The following PCDHA10 variants were observed in gnomAD, a reference collection of about 807,000 sequenced individuals.
PCDHA10 encodes the protein protocadherin alpha-10.
Under a neutral mutation model 61.2 loss-of-function variants are expected in PCDHA10, and 45 were observed. That is an observed-to-expected ratio of 0.74 (90% CI 0.58 to 0.94). PCDHA10 has a LOEUF of 0.94. PCDHA10 is among the 40% of genes least tolerant of loss of function. The pLI is 0.00. For missense variants in PCDHA10, 1,278 were observed against 1,236.2 expected (o/e 1.03, Z -0.51); for synonymous variants, 602 against 548.8 (o/e 1.10, Z -1.35).
In PCDHA10 at chr5:140,858,149, G is replaced by A. The variant is rs782725386; in HGVS notation, c.2101G>A (p.Ala701Thr). The A allele has an allele frequency of 1.5e-5, 24 of 1,597,456 alleles. 4 individuals carry two copies. The highest frequency in any genetic ancestry group is 1.3e-4 in the African/African-American group (10 of 74,378). ...GGATGTCAACGTGTACCTGATCATC[G>A]CCATCTGCGCGGTGTCCAGCTTGCT... ...LVDVNVYLII[A>T]ICAVSSLLVL... The change falls in exon 1 of 4, where the codon GCC becomes ACC. Residue 701 changes from alanine (A) to threonine (T), a missense_variant. Transcript: ENST00000307360.
intron 1 of PCDHA10, among the ~76,000 whole-genome samples, chr5:140,939,296 C>T (rs2153640792): frequency 6.6e-6 from 1 of 152,210 alleles, no homozygotes; most frequent in South Asian, 2.1e-4. Flanking sequence ...CTAATCATCT[C>T]TACAAAAGCC....
chr5:140,876,536 TG>T (rs781943442), intron 1 of PCDHA10: 1 of 1,614,238 alleles, frequency 6.2e-7, no homozygotes, highest in South Asian at 1.1e-5. Flanking sequence ...GTTACTTCAC[TG>T]TCGCTCCCTG....
intron 1 of PCDHA10, among the ~76,000 whole-genome samples, chr5:140,971,500 T>C (rs2096483313): frequency 1.3e-5 from 2 of 152,136 alleles, no homozygotes; most frequent in Admixed American, 1.3e-4. Context: ...TGTGGCAAGA[T>C]AGGAGCAAAA....
chr5:140,964,968 G>A lies in PCDHA10; in HGVS notation c.2389-13981G>A, dbSNP rs566051914. On this transcript the variant is annotated intron_variant, in intron 1 of 3. Coordinates refer to ENST00000307360, the MANE Select transcript of PCDHA10 (RefSeq NM_018901.4). ...GAGTGTGCTTGGTTGGTGGAACGAA[G>A]GGATGTGCTAGTTCAGGCCTTTGAA... 3.9e-5 allele frequency among the ~76,000 whole-genome samples: 6 copies of A among 152,326 alleles called. No individual in the cohort carries two copies. In the South Asian group the frequency reaches 1.0e-3, roughly 26 times the overall value.
At position 140,927,034 on chromosome 5, in the gene PCDHA10, G is replaced by A. The variant is rs782732545; in HGVS notation, c.2389-51915G>A. ...CTCCGCGGACTTGAGGCTGCCAGCG[G>A]CCGCTATGTCCTCGCGGAACTTTCG... On this transcript the variant is annotated intron_variant, in intron 1 of 3. Coordinates refer to ENST00000307360, the MANE Select transcript of PCDHA10 (RefSeq NM_018901.4). 6 of 1,612,400 alleles carry A rather than the reference G, an allele frequency of 3.7e-6. No individual in the cohort carries two copies. The East Asian group carries it at 8.9e-5, about 24-fold the overall frequency.
chr5:140,876,827 C>G, intron 1 of PCDHA10: 1 of 1,614,182 alleles, frequency 6.2e-7, no homozygotes, highest in Non-Finnish European at 8.5e-7. Flanking sequence ...AACGACAATG[C>G]GCCTGCGTTC....
At chr5:140,973,586 C>T (rs1207651483) in intron 1 of PCDHA10, among the ~76,000 whole-genome samples, 2 of 152,176 alleles carry the variant, frequency 1.3e-5, no homozygotes, top group African/African-American at 4.8e-5. Context: ...GACTGCTGAG[C>T]CAGATGGAAT....
chr5:140,947,778 G>A (rs2094175732), intron 1 of PCDHA10, among the ~76,000 whole-genome samples: 2 of 151,456 alleles, frequency 1.3e-5, no homozygotes, highest in South Asian at 4.1e-4. Context: ...TATTGTAAAT[G>A]GATTTTAAAC....
chr5:140,917,067 C>T (rs375970452), intron 1 of PCDHA10, among the ~76,000 whole-genome samples: 3 of 152,178 alleles, frequency 2.0e-5, no homozygotes, highest in African/African-American at 4.8e-5. Context: ...ACGACAGCAC[C>T]GAGTTTAATG....
rs911070094 is a variant in PCDHA10, at chr5:141,009,570, G to A, written c.2537-57G>A. On this transcript the variant is annotated intron_variant, in intron 3 of 3. Coordinates refer to ENST00000307360, the MANE Select transcript of PCDHA10 (RefSeq NM_018901.4). ...AGTACTCCTGTACTCTACCAGCAGT[G>A]TGGCATCAAGAGCATGTGTTGACCC... The A allele has an allele frequency of 1.9e-6, 3 of 1,577,968 alleles. No homozygotes were observed. In the Admixed American group the frequency reaches 5.2e-5, roughly 28 times the overall value.
Position 140,869,207 on chromosome 5 carries a change from T to C in PCDHA10, c.2388+10771T>C, listed in dbSNP as rs781925229. ...GGGAGCGGCCAGCTCCACTACTCCG[T>C]CTCGGAGGAGGCCAAACACGGCACC... On this transcript the variant is annotated intron_variant, in intron 1 of 3. Transcript: ENST00000307360. 3.7e-6 allele frequency: 6 copies of C among 1,613,842 alleles called. No homozygotes were observed. The African/African-American group carries it at 5.3e-5, about 14-fold the overall frequency.
At chr5:140,946,032 A>C (rs1440402875) in intron 1 of PCDHA10, among the ~76,000 whole-genome samples, 2 of 152,102 alleles carry the variant, frequency 1.3e-5, no homozygotes, top group Admixed American at 1.3e-4. Flanking sequence ...AGAAAACAAG[A>C]GTGAAGGGAC....
chr5:140,955,585 T>G (rs1438222402), intron 1 of PCDHA10, among the ~76,000 whole-genome samples: 1 of 152,198 alleles, frequency 6.6e-6, no homozygotes, highest in African/African-American at 2.4e-5. Context: ...CAATTAAACC[T>G]CTTTCTTTTA....
intron 1 of PCDHA10, chr5:140,870,108 CTG>C (rs1455437240): frequency 6.2e-7 from 1 of 1,613,906 alleles, no homozygotes; most frequent in African/African-American, 1.3e-5. Flanking sequence ...ACTGTACAGT[CTG>C]GGTGGAAATC....
At chr5:141,007,379 C>T (rs1178671835) in intron 3 of PCDHA10, among the ~76,000 whole-genome samples, 1 of 139,926 alleles carries the variant, frequency 7.1e-6, no homozygotes, top group Non-Finnish European at 1.5e-5. Context: ...GATGGAACAC[C>T]ATCTCTACTA....
At chr5:140,939,521 T>C (rs540311861) in intron 1 of PCDHA10, among the ~76,000 whole-genome samples, 3 of 152,326 alleles carry the variant, frequency 2.0e-5, no homozygotes, top group Non-Finnish European at 2.9e-5. Flanking sequence ...TTAATAGTTA[T>C]AGAATTATAC....
chr5:140,927,011 C>T, intron 1 of PCDHA10: 1 of 1,612,606 alleles, frequency 6.2e-7, no homozygotes, highest in Non-Finnish European at 8.5e-7. Context: ...GGCAATCTCT[C>T]CGCGGACTTG....
At chr5:140,986,135 A>G (rs2097188048) in intron 3 of PCDHA10, among the ~76,000 whole-genome samples, 1 of 152,256 alleles carries the variant, frequency 6.6e-6, no homozygotes, top group Non-Finnish European at 1.5e-5. Flanking sequence ...GAAAGGATCA[A>G]CAAGGGCATC....
At chr5:141,006,119 T>C (rs1327328997) in intron 3 of PCDHA10, among the ~76,000 whole-genome samples, 14 of 152,070 alleles carry the variant, frequency 9.2e-5, no homozygotes, top group South Asian at 4.2e-4. Context: ...TTTTTTTTTT[T>C]CTCAAGGCAG....
Sources: allele counts gnomAD v4.1 joint callset (sites outside exome capture counted in the v4.1 genomes callset), GRCh38; gene constraint gnomAD v4.1.1; transcripts MANE v1.5; gene names NCBI Gene and HGNC (gene_info 2026-07-23, HGNC 2026-07-21).